The following ELMO1 variants were observed in gnomAD, a reference collection of about 807,000 sequenced individuals.
The protein encoded by ELMO1 is engulfment and cell motility 1.
A neutral mutation model predicts 98.9 loss-of-function variants in ELMO1; 26 were observed. The ratio of observed to expected loss-of-function variants is 0.26; its 90% CI spans 0.19 to 0.36. The LOEUF is 0.36. Ranked by LOEUF, ELMO1 falls within the 10% of genes least tolerant of loss-of-function variation. The probability of loss-of-function intolerance (pLI) is 1.00; values close to 1 mark genes in which losing one functional copy is unlikely to be tolerated. For missense variants in ELMO1, 627 were observed against 935.2 expected (o/e 0.67, Z 4.30); for synonymous variants, 346 against 346.0 (o/e 1.00, Z 0.00).
intron 1 of ELMO1, among the ~76,000 whole-genome samples, chr7:37,418,739 G>A (rs549165739): frequency 1.4e-4 from 21 of 152,284 alleles, no homozygotes; most frequent in South Asian, 4.2e-4. Context: ...ACACAGATGC[G>A]GGCAGGCAGA....
chr7:37,039,718 C>T (rs993942740), intron 15 of ELMO1, among the ~76,000 whole-genome samples: 1 of 152,184 alleles, frequency 6.6e-6, no homozygotes, highest in Non-Finnish European at 1.5e-5. Context: ...TGTCTAATTC[C>T]TCTTCCTAGC....
chr7:37,192,452 G>A (rs551755727), intron 13 of ELMO1, among the ~76,000 whole-genome samples: 21 of 136,762 alleles, frequency 1.5e-4, no homozygotes, highest in Non-Finnish European at 2.9e-4. Context: ...CCAAGACCGT[G>A]CCACTGAACT....
At chr7:37,399,873 G>A (rs1250964980) in intron 1 of ELMO1, among the ~76,000 whole-genome samples, 1 of 152,184 alleles carries the variant, frequency 6.6e-6, no homozygotes, top group African/African-American at 2.4e-5. Context: ...TCCCAGGATT[G>A]TTGTGAGGAT....
intron 15 of ELMO1, among the ~76,000 whole-genome samples, chr7:37,020,006 T>A (rs1019379763): frequency 2.6e-5 from 4 of 152,190 alleles, no homozygotes; most frequent in African/African-American, 9.7e-5. Flanking sequence ...TATTTTTCAC[T>A]GGGTAATGTG....
At chr7:37,164,098 G>C (rs1045641885) in intron 13 of ELMO1, among the ~76,000 whole-genome samples, 1 of 152,154 alleles carries the variant, frequency 6.6e-6, no homozygotes, top group African/African-American at 2.4e-5. Context: ...GTGATGATGA[G>C]CATTTTTTCA....
intron 16 of ELMO1, among the ~76,000 whole-genome samples, chr7:36,973,058 G>T (rs933160348): frequency 1.3e-5 from 2 of 152,224 alleles, no homozygotes; most frequent in African/African-American, 4.8e-5. Flanking sequence ...TGGGATTACA[G>T]GCGTAAGCCA....
Position 36,953,839 on chromosome 7 carries a change from TTGTGTGTGTGTG to T in ELMO1, c.1438-58834_1438-58823del, listed in dbSNP as rs10522376. On this transcript the variant is annotated intron_variant, in intron 16 of 21. Transcript: ENST00000310758. Reference sequence around the variant, plus strand: ...TTCTGGTACAGTGTATGGGTATGTTTTGTGTGTGTGTGTGTGTGTGTGTGTGTGTGTGTGTGT... The same window carrying T: ...TTCTGGTACAGTGTATGGGTATGTTTTGTGTGTGTGTGTGTGTGTGTGTGT... Among the ~76,000 whole-genome samples the T allele has an allele frequency of 5.9e-3, 807 of 136,254 alleles. 2 individuals are homozygous for T. The highest frequency in any genetic ancestry group is 0.014 in the African/African-American group (512 of 37,402). The allele number at this position is 136,254 out of a possible 152,430, so 89.4% of individuals were successfully genotyped here. A position where few individuals can be genotyped will look rare whatever the true frequency, so the allele number is the denominator to read the frequency against.
intron 15 of ELMO1, among the ~76,000 whole-genome samples, chr7:37,053,497 T>G (rs567141102): frequency 7.2e-5 from 11 of 152,322 alleles, no homozygotes; most frequent in East Asian, 1.9e-4. Flanking sequence ...ACTTCCCTAC[T>G]CAAGGCTAAT....
intron 11 of ELMO1, among the ~76,000 whole-genome samples, chr7:37,215,017 G>C (rs1201005431): frequency 1.3e-5 from 2 of 152,188 alleles, no homozygotes; most frequent in African/African-American, 4.8e-5. Context: ...TTTACTGAGA[G>C]CCAATATAAA....
At chr7:37,283,032 T>C (rs1216380454) in intron 4 of ELMO1, among the ~76,000 whole-genome samples, 1 of 152,226 alleles carries the variant, frequency 6.6e-6, no homozygotes, top group East Asian at 1.9e-4. Context: ...GTGAAGGGCC[T>C]GTTCTGCAAT....
intron 15 of ELMO1, among the ~76,000 whole-genome samples, chr7:37,027,125 C>T (rs1794624923): frequency 6.6e-6 from 1 of 152,152 alleles, no homozygotes; most frequent in Admixed American, 6.6e-5. Context: ...AATAGTTCAT[C>T]CTTCAAAATG....
chr7:37,172,713 A>G (rs1483255314), intron 13 of ELMO1, among the ~76,000 whole-genome samples: 5 of 152,230 alleles, frequency 3.3e-5, no homozygotes, highest in Admixed American at 3.3e-4. Flanking sequence ...AACTCAAGCC[A>G]ACTACTCGAT....
chr7:37,212,959 C>A (rs1793062445), intron 12 of ELMO1, among the ~76,000 whole-genome samples: 1 of 152,156 alleles, frequency 6.6e-6, no homozygotes, highest in African/African-American at 2.4e-5. Context: ...ATTGCTAACT[C>A]AACCCCACAG....
chr7:37,165,809 C>G (rs954808092), intron 13 of ELMO1, among the ~76,000 whole-genome samples: 36 of 152,052 alleles, frequency 2.4e-4, no homozygotes, highest in South Asian at 6.2e-4. Flanking sequence ...TTTTTTGGTT[C>G]TGTCTCTGCC....
At chr7:36,975,094 A>G (rs1300852024) in intron 16 of ELMO1, among the ~76,000 whole-genome samples, 1 of 152,216 alleles carries the variant, frequency 6.6e-6, no homozygotes, top group Non-Finnish European at 1.5e-5. Flanking sequence ...GAACCCACCA[A>G]TTCCGGACAC....
At position 36,898,087 on chromosome 7, in the gene ELMO1, T is replaced by G. The variant is rs1806180635; in HGVS notation, c.1438-3070A>C. On this transcript the variant is annotated intron_variant, in intron 16 of 21. Coordinates refer to ENST00000310758, the MANE Select transcript of ELMO1 (RefSeq NM_014800.11). ...TCTGTGAAAGGTATCATTAAATTTTTTAAGAAGACAAAAGAGTTACATAAG... is the reference window on the plus strand; with the variant it reads ...TCTGTGAAAGGTATCATTAAATTTTGTAAGAAGACAAAAGAGTTACATAAG... Among the ~76,000 whole-genome samples the G allele has an allele frequency of 2.0e-5, 3 of 152,346 alleles. No homozygotes were observed. The South Asian group carries it at 6.2e-4, about 32-fold the overall frequency.
intron 13 of ELMO1, chr7:37,204,145 T>C (rs1188345531): frequency 1.5e-5 from 7 of 456,376 alleles, no homozygotes; most frequent in Admixed American, 9.4e-5. Context: ...CGCCTGGCGA[T>C]GGGCGATGGT....
intron 1 of ELMO1, among the ~76,000 whole-genome samples, chr7:37,404,917 C>T (rs1289460173): frequency 2.6e-5 from 4 of 152,144 alleles, no homozygotes; most frequent in African/African-American, 9.7e-5. Context: ...TTTGTTCCCC[C>T]CATTTTTAAT....
intron 13 of ELMO1, among the ~76,000 whole-genome samples, chr7:37,192,219 A>G (rs990632200): frequency 5.9e-5 from 9 of 151,824 alleles, no homozygotes; most frequent in African/African-American, 1.9e-4. Flanking sequence ...AGCCAGGGCC[A>G]GGTGTGGTTG....
Sources: allele counts gnomAD v4.1 joint callset (sites outside exome capture counted in the v4.1 genomes callset), GRCh38; gene constraint gnomAD v4.1.1; transcripts MANE v1.5; gene names NCBI Gene and HGNC (gene_info 2026-07-23, HGNC 2026-07-21).